Variants in HSP90AA1 observed in about 807,000 individuals in gnomAD.
The protein encoded by HSP90AA1 is heat shock protein 90 alpha family class A member 1.
HSP90AA1 carries 18 observed loss-of-function variants against 73.3 expected under a neutral mutation model. The ratio of observed to expected loss-of-function variants is 0.25; its 90% CI spans 0.17 to 0.36. HSP90AA1 has a LOEUF of 0.36. HSP90AA1 is among the 10% of genes least tolerant of loss of function. The pLI, the probability that HSP90AA1 is intolerant of heterozygous loss-of-function variation, is 1.00. For missense variants in HSP90AA1, 704 were observed against 874.2 expected, an observed-to-expected ratio of 0.81 and a Z score of 2.45; for synonymous variants, 477 against 296.9, an observed-to-expected ratio of 1.61 and a Z score of -6.24.
At chr14:102,134,544 G>A (rs1022102547) in intron 1 of HSP90AA1, among the ~76,000 whole-genome samples, 1 of 152,242 alleles carries the variant, frequency 6.6e-6, no homozygotes, top group Middle Eastern at 3.4e-3. Context: ...CTGATGTTCG[G>A]TTGTGTTCAG....
Position 102,083,256 on chromosome 14 carries a change from A to G in HSP90AA1, c.1533T>C (p.Leu511=), listed in dbSNP as rs971624368. 6 of 1,614,042 alleles carry G rather than the reference A, an allele frequency of 3.7e-6. No homozygotes were observed. The African/African-American group carries it at 8.0e-5, about 22-fold the overall frequency. The stretch of plus-strand genomic sequence containing the variant: ...AGATCACTTCTAAGCCATGTTTCCG[A>G]AGACGTTCCACAAAGGCTGAGTTAG... ...QVANSAFVER[L]RKHGLEVIYM... Residue 511 remains leucine, a synonymous_variant, in exon 9 of 11, where the codon CTT becomes CTC. Coordinates refer to ENST00000216281, the MANE Select transcript of HSP90AA1 (RefSeq NM_005348.4).
intron 1 of HSP90AA1, among the ~76,000 whole-genome samples, chr14:102,108,596 C>T (rs995771464): frequency 1.4e-5 from 2 of 139,300 alleles, no homozygotes; most frequent in African/African-American, 2.7e-5. Context: ...AGTGCAATGG[C>T]GTGATCTTGG....
intron 1 of HSP90AA1, among the ~76,000 whole-genome samples, chr14:102,131,013 C>T (rs947826248): frequency 3.3e-5 from 5 of 152,230 alleles, no homozygotes; most frequent in African/African-American, 1.2e-4. Flanking sequence ...GCCACCATGC[C>T]CAGCCTATCC....
At chr14:102,084,636 G>GATGAT in intron 5 of HSP90AA1, 45 bp downstream of exon 5, 1 of 1,614,078 alleles carries the variant, frequency 6.2e-7, no homozygotes, top group Non-Finnish European at 8.5e-7. Flanking sequence ...GGTGGAGAAA[G>GATGAT]ATGATAATCT....
chr14:102,134,889 C>G (rs1309596155), intron 1 of HSP90AA1, among the ~76,000 whole-genome samples: 1 of 152,208 alleles, frequency 6.6e-6, no homozygotes, highest in Admixed American at 6.5e-5. Context: ...GCCCCACCCA[C>G]ATCCTGCTGA....
chr14:102,139,311 C>A (rs143344364), exon 1 of HSP90AA1: 2 of 1,613,780 alleles, frequency 1.2e-6, no homozygotes, highest in African/African-American at 2.7e-5. Context: ...TCCAGACGGT[C>A]GCGCGGGTAT....
intron 1 of HSP90AA1, among the ~76,000 whole-genome samples, chr14:102,110,066 T>C: frequency 6.6e-6 from 1 of 152,144 alleles, no homozygotes; most frequent in Non-Finnish European, 1.5e-5. Context: ...CCTGAGTAGC[T>C]GGGACTACAG....
chr14:102,104,161 TA>T (rs1261829848), intron 1 of HSP90AA1, among the ~76,000 whole-genome samples: 1 of 152,168 alleles, frequency 6.6e-6, no homozygotes, highest in Non-Finnish European at 1.5e-5. Context: ...AGTTGGTTTT[TA>T]AAAAAATTAT....
intron 1 of HSP90AA1, among the ~76,000 whole-genome samples, chr14:102,103,919 A>G (rs2049529466): frequency 6.6e-6 from 1 of 151,804 alleles, no homozygotes; most frequent in African/African-American, 2.4e-5. Flanking sequence ...GAGGAGAATT[A>G]CTTGAACATG....
intron 1 of HSP90AA1, among the ~76,000 whole-genome samples, chr14:102,104,926 C>T (rs2049543672): frequency 6.6e-6 from 1 of 151,370 alleles, no homozygotes. Context: ...TGGCTTGGCG[C>T]AGTGGCTCAC....
chr14:102,087,136 C>A (rs2049264182), upstream of HSP90AA1: 3 of 984,218 alleles, frequency 3.0e-6, no homozygotes, highest in African/African-American at 1.8e-5. Flanking sequence ...TCCGGAAGAA[C>A]CCTCCCCAGC....
chr14:102,131,499 T>C (rs1175013666), intron 1 of HSP90AA1, among the ~76,000 whole-genome samples: 1 of 152,188 alleles, frequency 6.6e-6, no homozygotes, highest in African/African-American at 2.4e-5. Context: ...TCTTAAACCC[T>C]GCAATGGTTT....
intron 1 of HSP90AA1, 32 bp downstream of exon 1, chr14:102,086,954 C>G (rs1309768916): frequency 1.0e-6 from 1 of 979,396 alleles, no homozygotes; most frequent in Non-Finnish European, 1.2e-6. Context: ...GTCCCCAGTC[C>G]ACCTCCACAG....
At chr14:102,084,023 G>T in intron 6 of HSP90AA1, 40 bp from the exon 7 acceptor site, 2 of 1,429,418 alleles carry the variant, frequency 1.4e-6, no homozygotes, top group Non-Finnish European at 2.0e-6. Context: ...GTCATTCCAA[G>T]GACAAAACTG....
At chr14:102,087,366 C>T (rs1279307294), upstream of HSP90AA1, among the ~76,000 whole-genome samples, 11 of 151,580 alleles carry the variant, frequency 7.3e-5, no homozygotes, top group Non-Finnish European at 1.5e-5. Context: ...CGCCCGCGCC[C>T]TCCGCCCTGC....
In HSP90AA1 at chr14:102,084,926, C is replaced by T. The variant is rs3208445; in HGVS notation, c.736G>A (p.Glu246Lys). 6 of 1,593,056 alleles carry T rather than the reference C, an allele frequency of 3.8e-6. No individual in the cohort carries two copies. The South Asian group carries it at 5.5e-5, about 15-fold the overall frequency. ...TCTTCCGACTCTTTCTCTTCTTTTTCTTTTTCTTCTTCTTTGTCTTCCTTT... is the reference window on the plus strand; with the variant it reads ...TCTTCCGACTCTTTCTCTTCTTTTTTTTTTTCTTCTTCTTTGTCTTCCTTT... ...EEKEDKEEEK[E>K]KEEKESEDKP... Residue 246 changes from glutamate to lysine, a missense_variant, in exon 5 of 11, where the codon GAA becomes AAA. Physicochemically the swap from Glu to Lys is moderately conservative, Grantham distance 56. Coordinates refer to ENST00000216281, the MANE Select transcript of HSP90AA1 (RefSeq NM_005348.4).
intron 1 of HSP90AA1, among the ~76,000 whole-genome samples, chr14:102,122,168 G>C (rs534298556): frequency 6.6e-6 from 1 of 151,914 alleles, no homozygotes; most frequent in South Asian, 2.1e-4. Context: ...ATGGTTAGTT[G>C]GTTGTTCCAA....
At chr14:102,128,359 G>A (rs1320302529) in intron 1 of HSP90AA1, among the ~76,000 whole-genome samples, 8 of 152,148 alleles carry the variant, frequency 5.3e-5, no homozygotes, top group Non-Finnish European at 1.0e-4. Flanking sequence ...TGGGCGCAGT[G>A]GCTCACGCCT....
upstream of HSP90AA1, among the ~76,000 whole-genome samples, chr14:102,087,835 AC>A (rs1300872397): frequency 1.5e-4 from 23 of 149,986 alleles, no homozygotes; most frequent in South Asian, 8.5e-4. Context: ...ACCCAGCTAC[AC>A]CCGGCATGAT....
Sources: gnomAD v4.1 joint callset for allele counts (sites outside exome capture counted in the v4.1 genomes callset) on GRCh38, gnomAD v4.1.1 for gene constraint, MANE v1.5 for transcripts, NCBI Gene and HGNC (gene_info 2026-07-23, HGNC 2026-07-21) for gene names.